PLCB1: variants seen among roughly 807,000 people sequenced by gnomAD.
PLCB1 encodes the protein phospholipase C beta 1.
Under a neutral mutation model 161.8 loss-of-function variants are expected in PLCB1, and 46 were observed. The ratio of observed to expected loss-of-function variants is 0.28; its 90% CI spans 0.22 to 0.36. The LOEUF (loss-of-function observed/expected upper bound fraction) is 0.36, where lower values mean the gene tolerates loss of function less well. PLCB1 is among the 10% of genes least tolerant of loss of function. The pLI, the probability that PLCB1 is intolerant of heterozygous loss-of-function variation, is 1.00. For synonymous variants in PLCB1, 517 were observed against 503.7 expected, an observed-to-expected ratio of 1.03 and a Z score of -0.35; for missense variants, 1,016 against 1,472.5, an observed-to-expected ratio of 0.69 and a Z score of 5.07.
chr20:8,568,348 G>A (rs1187241405), intron 3 of PLCB1, among the ~76,000 whole-genome samples: 1 of 152,158 alleles, frequency 6.6e-6, no homozygotes, highest in Non-Finnish European at 1.5e-5. Context: ...TGAATTTAAT[G>A]AAAGGGCCTA....
chr20:8,174,349 A>C (rs980179138), intron 2 of PLCB1, among the ~76,000 whole-genome samples: 1 of 152,220 alleles, frequency 6.6e-6, no homozygotes, highest in African/African-American at 2.4e-5. Context: ...TGGCTGAAAG[A>C]AAGTATCTGT....
intron 3 of PLCB1, among the ~76,000 whole-genome samples, chr20:8,407,113 C>T (rs1205337228): frequency 6.6e-6 from 1 of 152,068 alleles, no homozygotes; most frequent in Admixed American, 6.6e-5. Context: ...TCATGTGATA[C>T]TAAAATGAGA....
At chr20:8,475,159 G>C (rs545145973) in intron 3 of PLCB1, among the ~76,000 whole-genome samples, 5 of 152,206 alleles carry the variant, frequency 3.3e-5, no homozygotes, top group South Asian at 2.1e-4. Flanking sequence ...TAAGATAAGG[G>C]AGACATTTAT....
At chr20:8,181,216 T>A (rs1224735903) in intron 2 of PLCB1, among the ~76,000 whole-genome samples, 1 of 130,210 alleles carries the variant, frequency 7.7e-6, no homozygotes, top group Non-Finnish European at 1.5e-5. Context: ...GCCACTGCAC[T>A]CCAGCCTGGC....
chr20:8,259,875 A>T (rs1439295304), intron 2 of PLCB1, among the ~76,000 whole-genome samples: 1 of 152,162 alleles, frequency 6.6e-6, no homozygotes, highest in Admixed American at 6.5e-5. Flanking sequence ...TTTGGCACAC[A>T]ATCATTACAT....
At chr20:8,621,494 G>T (rs1165024449) in intron 3 of PLCB1, among the ~76,000 whole-genome samples, 1 of 152,160 alleles carries the variant, frequency 6.6e-6, no homozygotes, top group Non-Finnish European at 1.5e-5. Context: ...AAGGATGATT[G>T]TACAAATAAT....
At chr20:8,362,379 A>G (rs162219) in intron 2 of PLCB1, among the ~76,000 whole-genome samples, 11,874 of 152,220 alleles carry the variant, frequency 0.078, 650 homozygotes, top group Non-Finnish European at 0.12. Context: ...ACAAAAATAT[A>G]TCTCTTAATA....
chr20:8,629,720 A>AT (rs1275082546), intron 4 of PLCB1, among the ~76,000 whole-genome samples: 1 of 152,100 alleles, frequency 6.6e-6, no homozygotes, highest in Admixed American at 6.5e-5. Context: ...GTGATCTACA[A>AT]TTTTTTAACC....
At chr20:8,458,497 A>G (rs1981428108) in intron 3 of PLCB1, among the ~76,000 whole-genome samples, 1 of 152,176 alleles carries the variant, frequency 6.6e-6, no homozygotes, top group Admixed American at 6.5e-5. Flanking sequence ...AAGCTTCCCC[A>G]TAGGCCTAAA....
chr20:8,211,494 AT>A (rs1568591722), intron 2 of PLCB1, among the ~76,000 whole-genome samples: 1 of 152,178 alleles, frequency 6.6e-6, no homozygotes. Flanking sequence ...AGTGATGAGC[AT>A]TTACAAATTT....
chr20:8,288,116 G>A (rs1983210164), intron 2 of PLCB1, among the ~76,000 whole-genome samples: 1 of 152,092 alleles, frequency 6.6e-6, no homozygotes, highest in Non-Finnish European at 1.5e-5. Context: ...TCGGTACATT[G>A]GAAATTCTTG....
At chr20:8,517,428 G>T (rs920393108) in intron 3 of PLCB1, among the ~76,000 whole-genome samples, 7 of 152,148 alleles carry the variant, frequency 4.6e-5, no homozygotes, top group Non-Finnish European at 7.4e-5. Context: ...GAGACATGGG[G>T]TTTTATTAAG....
intron 27 of PLCB1, among the ~76,000 whole-genome samples, chr20:8,785,997 C>T (rs570138455): frequency 3.3e-5 from 5 of 152,108 alleles, no homozygotes; most frequent in African/African-American, 1.2e-4. Flanking sequence ...ACAAAGCATC[C>T]AAATCACCTC....
At chr20:8,526,864 T>C (rs1022042583) in intron 3 of PLCB1, among the ~76,000 whole-genome samples, 6 of 152,138 alleles carry the variant, frequency 3.9e-5, no homozygotes, top group Non-Finnish European at 8.8e-5. Context: ...TGCAAAAAAC[T>C]ATGCCTGGCA....
intron 31 of PLCB1, among the ~76,000 whole-genome samples, chr20:8,807,437 A>C (rs1984591952): frequency 6.6e-6 from 1 of 152,206 alleles, no homozygotes. Context: ...TCACGGAAAA[A>C]ATGAAAATTG....
chr20:8,215,740 A>G lies in PLCB1; in HGVS notation c.177+65369A>G, dbSNP rs1214790288. Among the ~76,000 whole-genome samples the G allele has an allele frequency of 2.0e-5, 3 of 152,098 alleles. No individual in the cohort carries two copies. In the East Asian group the frequency reaches 5.8e-4, roughly 29 times the overall value. On this transcript the variant is annotated intron_variant, in intron 2 of 31. Transcript: ENST00000338037. ...ACCAAGTGTTCTGGGCTCAGATCCA[A>G]AACTTGCACAAGTAAATCAGCCTCA...
intron 31 of PLCB1, among the ~76,000 whole-genome samples, chr20:8,861,514 G>C (rs1029525098): frequency 6.6e-6 from 1 of 152,142 alleles, no homozygotes; most frequent in Non-Finnish European, 1.5e-5. Flanking sequence ...GGTGGATCAC[G>C]AGGTCAAGAG....
In PLCB1 at chr20:8,310,616, A is replaced by G. The variant is rs566372309; in HGVS notation, c.178-60766A>G. Among the ~76,000 whole-genome samples the G allele has an allele frequency of 7.2e-4, 110 of 152,118 alleles. 1 individual carries two copies. Among genetic ancestry groups the G allele is most frequent in the African/African-American group, 2.4e-3 (100 of 41,482 alleles). On this transcript the variant is annotated intron_variant, in intron 2 of 31. Coordinates refer to ENST00000338037, the MANE Select transcript of PLCB1 (RefSeq NM_015192.4). ...CTTTTGTTTGTTTTGTTTAATTTCCATTTTTATTTTAGATTCAGGGGTTAC... is the reference window on the plus strand; with the variant it reads ...CTTTTGTTTGTTTTGTTTAATTTCCGTTTTTATTTTAGATTCAGGGGTTAC...
intron 31 of PLCB1, among the ~76,000 whole-genome samples, chr20:8,818,770 G>A (rs1216861288): frequency 5.9e-5 from 9 of 151,766 alleles, no homozygotes; most frequent in African/African-American, 9.7e-5. Context: ...GTGAAACCCC[G>A]TCTCTACTAA....
Sources: gnomAD v4.1 joint callset for allele counts (sites outside exome capture counted in the v4.1 genomes callset) on GRCh38, gnomAD v4.1.1 for gene constraint, MANE v1.5 for transcripts, NCBI Gene and HGNC (gene_info 2026-07-23, HGNC 2026-07-21) for gene names.